Variants in ZMIZ1 observed in about 807,000 individuals in gnomAD.
ZMIZ1 encodes zinc finger MIZ domain-containing protein 1.
A neutral mutation model predicts 113.9 loss-of-function variants in ZMIZ1; 17 were observed. The observed-to-expected ratio is 0.15, with a 90% confidence interval of 0.10 to 0.22. ZMIZ1 has a LOEUF of 0.22. Ranked by LOEUF, ZMIZ1 falls within the 10% of genes least tolerant of loss-of-function variation. ZMIZ1 has a pLI of 1.00. For missense variants in ZMIZ1, 1,059 were observed against 1,477.8 expected (o/e 0.72, Z 4.65); for synonymous variants, 607 against 603.1 (o/e 1.01, Z -0.09).
At chr10:79,295,270 C>T (rs1255766518) in intron 12 of ZMIZ1, 1 of 152,266 alleles carries the variant, frequency 6.6e-6, no homozygotes, top group Non-Finnish European at 1.5e-5. Context: ...TGCACCTGCA[C>T]CTGTGCCATG....
chr10:79,086,263 C>T (rs1054996970), intron 1 of ZMIZ1, among the ~76,000 whole-genome samples: 2 of 152,262 alleles, frequency 1.3e-5, no homozygotes, highest in African/African-American at 2.4e-5. Flanking sequence ...TCATTACCTC[C>T]TCCCAGGGAC....
chr10:79,100,865 T>C (rs1020470203), intron 1 of ZMIZ1, among the ~76,000 whole-genome samples: 10 of 152,184 alleles, frequency 6.6e-5, no homozygotes, highest in African/African-American at 2.2e-4. Flanking sequence ...CCCTTGGCCC[T>C]CAGGGCTTTT....
At chr10:79,192,222 C>T (rs1288483042) in intron 4 of ZMIZ1, among the ~76,000 whole-genome samples, 1 of 152,242 alleles carries the variant, frequency 6.6e-6, no homozygotes, top group African/African-American at 2.4e-5. Context: ...CAGCTAGGAT[C>T]CCAGCCCTGT....
At chr10:79,310,511 C>T (rs984905565) in intron 23 of ZMIZ1, among the ~76,000 whole-genome samples, 5 of 152,200 alleles carry the variant, frequency 3.3e-5, no homozygotes, top group Admixed American at 2.0e-4. Flanking sequence ...TTGGGATCTG[C>T]ACCACGCTGA....
chr10:79,132,965 C>T (rs372206330), intron 2 of ZMIZ1, among the ~76,000 whole-genome samples: 11 of 152,152 alleles, frequency 7.2e-5, no homozygotes, highest in South Asian at 4.1e-4. Flanking sequence ...AATGACCTGT[C>T]GACCTGGCCC....
Position 79,196,408 on chromosome 10 carries a change from G to C in ZMIZ1, c.-49-5176G>C, listed in dbSNP as rs186174000. 2.0e-5 allele frequency among the ~76,000 whole-genome samples: 3 copies of C among 152,336 alleles called. No homozygotes were observed. The East Asian group carries it at 5.8e-4, about 29-fold the overall frequency. ...ACCCAGCCCAGTGCCCCTTGGCCTT[G>C]AACAAAACACTGATGGGCCCCAGGC... is the stretch of plus-strand genomic sequence containing the variant. On this transcript the variant is annotated intron_variant, in intron 4 of 24. Transcript: ENST00000334512.
At chr10:79,309,266 C>T (rs968952675) in intron 23 of ZMIZ1, among the ~76,000 whole-genome samples, 3 of 152,212 alleles carry the variant, frequency 2.0e-5, no homozygotes, top group African/African-American at 4.8e-5. Flanking sequence ...CCCTCCATGC[C>T]GGAGACATTC....
intron 23 of ZMIZ1, among the ~76,000 whole-genome samples, chr10:79,308,977 G>C (rs1261718641): frequency 6.6e-6 from 1 of 152,184 alleles, no homozygotes; most frequent in Non-Finnish European, 1.5e-5. Context: ...ATGCTCTCTA[G>C]ATGGTCCTGT....
intron 7 of ZMIZ1, among the ~76,000 whole-genome samples, chr10:79,232,591 C>T (rs1039577213): frequency 9.9e-5 from 15 of 152,056 alleles, no homozygotes; most frequent in African/African-American, 3.6e-4. Flanking sequence ...TCCCAGCATC[C>T]CTCATCGTAC....
intron 1 of ZMIZ1, among the ~76,000 whole-genome samples, chr10:79,104,566 C>T (rs536459310): frequency 3.3e-5 from 5 of 152,326 alleles, no homozygotes; most frequent in African/African-American, 1.2e-4. Flanking sequence ...AGTGCCTGGT[C>T]GTAGGATGTC....
intron 8 of ZMIZ1, among the ~76,000 whole-genome samples, chr10:79,284,301 G>C (rs1471764840): frequency 6.6e-6 from 1 of 152,248 alleles, no homozygotes; most frequent in African/African-American, 2.4e-5. Flanking sequence ...ACAGAGGAAA[G>C]TGTCCTTGGT....
chr10:79,141,203 T>C (rs1845248243), intron 3 of ZMIZ1, among the ~76,000 whole-genome samples: 4 of 152,206 alleles, frequency 2.6e-5, no homozygotes, highest in Admixed American at 2.6e-4. Flanking sequence ...GCATTGCTCA[T>C]GCATTCATTC....
At chr10:79,278,850 A>G (rs544084846) in intron 8 of ZMIZ1, among the ~76,000 whole-genome samples, 1 of 152,312 alleles carries the variant, frequency 6.6e-6, no homozygotes, top group Admixed American at 6.5e-5. Flanking sequence ...CTACACAGAC[A>G]CAGTAACAAT....
chr10:79,114,540 T>TGTGA (rs1456786215), intron 1 of ZMIZ1, among the ~76,000 whole-genome samples: 3 of 113,880 alleles, frequency 2.6e-5, no homozygotes, highest in Admixed American at 1.1e-4. Flanking sequence ...TGTGTGTGTG[T>TGTGA]GAAGGTGGGA....
chr10:79,305,070 C>T (rs1854589965), intron 19 of ZMIZ1, 94 bp from the exon 20 acceptor site: 1 of 1,405,732 alleles, frequency 7.1e-7, no homozygotes, highest in Non-Finnish European at 1.0e-6. Context: ...CTATCTTTCT[C>T]TCTGGTGGGG....
chr10:79,208,690 G>A (rs1848427021), intron 6 of ZMIZ1, among the ~76,000 whole-genome samples: 1 of 152,238 alleles, frequency 6.6e-6, no homozygotes, highest in Non-Finnish European at 1.5e-5. Context: ...TCCCACACTT[G>A]ATGAGAAAGA....
intron 2 of ZMIZ1, among the ~76,000 whole-genome samples, chr10:79,131,344 A>G (rs1844759304): frequency 6.6e-6 from 1 of 151,624 alleles, no homozygotes; most frequent in African/African-American, 2.4e-5. Flanking sequence ...GGGATTGGGG[A>G]TAGGTGGGGG....
intron 8 of ZMIZ1, among the ~76,000 whole-genome samples, chr10:79,286,213 T>C (rs1853065862): frequency 2.0e-5 from 3 of 152,242 alleles, no homozygotes; most frequent in Admixed American, 2.0e-4. Flanking sequence ...TCAGGCACCC[T>C]CCAGACCCTC....
At chr10:79,191,414 A>G (rs1018595167) in intron 4 of ZMIZ1, among the ~76,000 whole-genome samples, 1 of 151,792 alleles carries the variant, frequency 6.6e-6, no homozygotes, top group Non-Finnish European at 1.5e-5. Flanking sequence ...ATCCTTCCCT[A>G]TATCCTCCAA....
Sources: gnomAD v4.1 joint callset for allele counts (sites outside exome capture counted in the v4.1 genomes callset) on GRCh38, gnomAD v4.1.1 for gene constraint, MANE v1.5 for transcripts, NCBI Gene and HGNC (gene_info 2026-07-23, HGNC 2026-07-21) for gene names.